The following ULK4 variants were observed in gnomAD, a reference collection of about 807,000 sequenced individuals.
The protein encoded by ULK4 is unc-51 like kinase 4.
A neutral mutation model predicts 160.6 loss-of-function variants in ULK4; 133 were observed. The observed-to-expected ratio is 0.83, with a 90% CI of 0.72 to 0.96. ULK4 has a LOEUF of 0.96. Ranked by LOEUF, ULK4 falls within the 40% of genes least tolerant of loss-of-function variation. ULK4 has a pLI of 0.00. For missense variants in ULK4, 1,580 were observed against 1,499.5 expected, an observed-to-expected ratio of 1.05 and a Z score of -0.89; for synonymous variants, 534 against 539.8, an observed-to-expected ratio of 0.99 and a Z score of 0.15.
intron 35 of ULK4, among the ~76,000 whole-genome samples, chr3:41,269,140 G>A (rs1170400609): frequency 1.3e-5 from 2 of 152,116 alleles, no homozygotes; most frequent in Admixed American, 6.5e-5. Flanking sequence ...CTCTGTATGA[G>A]TTTTAGAACA....
intron 34 of ULK4, among the ~76,000 whole-genome samples, chr3:41,442,112 C>T (rs543477498): frequency 6.6e-6 from 1 of 152,080 alleles, no homozygotes; most frequent in Admixed American, 6.5e-5. Context: ...GCTTTCTTGC[C>T]CCCAAAATGG....
intron 27 of ULK4, among the ~76,000 whole-genome samples, chr3:41,700,486 G>C (rs1334951989): frequency 6.6e-6 from 1 of 152,190 alleles, no homozygotes; most frequent in Admixed American, 6.5e-5. Flanking sequence ...GCCCTGGGAA[G>C]TTATGATCTC....
chr3:41,813,332 C>G (rs977507832), intron 19 of ULK4, among the ~76,000 whole-genome samples: 3 of 152,128 alleles, frequency 2.0e-5, no homozygotes, highest in African/African-American at 7.2e-5. Context: ...ATTTGAAATT[C>G]AGAACATAAA....
intron 33 of ULK4, among the ~76,000 whole-genome samples, chr3:41,461,688 CT>C (rs1382387523): frequency 6.6e-6 from 1 of 152,118 alleles, no homozygotes; most frequent in African/African-American, 2.4e-5. Context: ...CAAAACATCC[CT>C]GAATATCTAC....
chr3:41,565,143 G>T (rs962668954), intron 32 of ULK4, among the ~76,000 whole-genome samples: 3 of 152,166 alleles, frequency 2.0e-5, no homozygotes, highest in Non-Finnish European at 2.9e-5. Flanking sequence ...CTAGATTTGT[G>T]TAAGTACAAG....
chr3:41,600,064 C>G (rs1386170739), intron 31 of ULK4, among the ~76,000 whole-genome samples: 1 of 152,076 alleles, frequency 6.6e-6, no homozygotes, highest in Admixed American at 6.6e-5. Context: ...AATCTAATGA[C>G]CAAATCCTTC....
intron 30 of ULK4, among the ~76,000 whole-genome samples, chr3:41,641,923 T>C (rs993942004): frequency 2.6e-4 from 39 of 151,084 alleles, no homozygotes; most frequent in Non-Finnish European, 5.5e-4. Flanking sequence ...CTGCCCAGGC[T>C]GGAGTGCAAT....
intron 27 of ULK4, among the ~76,000 whole-genome samples, chr3:41,702,317 G>C (rs1317720433): frequency 6.6e-6 from 1 of 152,072 alleles, no homozygotes; most frequent in Non-Finnish European, 1.5e-5. Flanking sequence ...GCTAACTTTT[G>C]CATTTTTAGT....
At chr3:41,688,145 A>G (rs898257692) in intron 27 of ULK4, 4 of 152,100 alleles carry the variant, frequency 2.6e-5, no homozygotes, top group African/African-American at 9.7e-5. Flanking sequence ...CCAATAAAGC[A>G]CTCTTCAAAC....
chr3:41,391,390 T>G (rs776097091), intron 35 of ULK4, among the ~76,000 whole-genome samples: 4 of 152,122 alleles, frequency 2.6e-5, no homozygotes, highest in Non-Finnish European at 5.9e-5. Flanking sequence ...TTACTGGTTT[T>G]ACATCAATCC....
intron 21 of ULK4, among the ~76,000 whole-genome samples, chr3:41,763,533 T>G (rs546391155): frequency 2.0e-5 from 3 of 152,236 alleles, no homozygotes; most frequent in African/African-American, 7.2e-5. Flanking sequence ...TTAGCTATAG[T>G]AGTAGTTGGC....
chr3:41,336,029 C>G (rs951671441), intron 35 of ULK4, among the ~76,000 whole-genome samples: 1 of 152,164 alleles, frequency 6.6e-6, no homozygotes, highest in Non-Finnish European at 1.5e-5. Context: ...GAGGAAGGAA[C>G]AAGCTATGAC....
intron 31 of ULK4, among the ~76,000 whole-genome samples, chr3:41,601,648 T>C (rs72862104): frequency 0.061 from 9,326 of 152,090 alleles, 972 homozygotes; most frequent in African/African-American, 0.21. Flanking sequence ...TGATACCTCG[T>C]CTCTGTGGTT....
intron 17 of ULK4, among the ~76,000 whole-genome samples, chr3:41,871,790 A>G (rs1407847652): frequency 6.6e-6 from 1 of 151,956 alleles, no homozygotes; most frequent in African/African-American, 2.4e-5. Flanking sequence ...TGTCTTTTTC[A>G]TCATCTTAAC....
intron 25 of ULK4, among the ~76,000 whole-genome samples, chr3:41,711,145 A>C (rs1251514881): frequency 2.6e-5 from 4 of 152,198 alleles, no homozygotes; most frequent in African/African-American, 9.7e-5. Context: ...ATTCCCCACC[A>C]ATGATGCAAG....
At chr3:41,447,933 T>C (rs925740452) in intron 34 of ULK4, among the ~76,000 whole-genome samples, 3 of 152,118 alleles carry the variant, frequency 2.0e-5, no homozygotes, top group Non-Finnish European at 2.9e-5. Context: ...CAGTGAGCCA[T>C]CACCACCACC....
At chr3:41,266,801 C>T (rs2079042430) in intron 35 of ULK4, among the ~76,000 whole-genome samples, 1 of 152,042 alleles carries the variant, frequency 6.6e-6, no homozygotes, top group South Asian at 2.1e-4. Context: ...GAAGGGGGAG[C>T]TCCTATTCTT....
intron 31 of ULK4, among the ~76,000 whole-genome samples, chr3:41,574,531 CTTTTTT>C (rs568406782): frequency 9.8e-5 from 9 of 92,150 alleles, no homozygotes; most frequent in Admixed American, 1.6e-4. Context: ...CCAGAGTCCT[CTTTTTT>C]TTTTTTTTTT....
intron 32 of ULK4, among the ~76,000 whole-genome samples, chr3:41,506,303 T>C (rs1396183277): frequency 6.6e-6 from 1 of 152,178 alleles, no homozygotes; most frequent in Non-Finnish European, 1.5e-5. Flanking sequence ...CAGGCTGCTG[T>C]ATCTATCTTT....
Sources: allele counts gnomAD v4.1 joint callset (sites outside exome capture counted in the v4.1 genomes callset), GRCh38; gene constraint gnomAD v4.1.1; transcripts MANE v1.5; gene names NCBI Gene and HGNC (gene_info 2026-07-23, HGNC 2026-07-21).